TRPC5OS: variants seen among roughly 807,000 people sequenced by gnomAD.
TRPC5OS encodes putative uncharacterized protein TRPC5OS.
For missense variants in TRPC5OS, 64 were observed against 79.3 expected, an observed-to-expected ratio of 0.81 and a Z score of 0.73; for synonymous variants, 30 against 29.3, an observed-to-expected ratio of 1.02 and a Z score of -0.08.
At chrX:111,896,834 G>C (rs1463316162) in intron 3 of TRPC5OS, among the ~76,000 whole-genome samples, 1 of 111,489 alleles carries the variant, frequency 9.0e-6, no homozygotes, top group East Asian at 2.8e-4. Context: ...TGTGATCATG[G>C]GCAAATTACT....
At chrX:111,881,069 C>T (rs1924190120) in intron 1 of TRPC5OS, among the ~76,000 whole-genome samples, 1 of 112,062 alleles carries the variant, frequency 8.9e-6, no homozygotes, top group South Asian at 3.7e-4. Flanking sequence ...TGGGCAAAAC[C>T]TGTAGATTCA....
chrX:111,892,421 T>C (rs1015689950), intron 1 of TRPC5OS, among the ~76,000 whole-genome samples: 4 of 111,982 alleles, frequency 3.6e-5, no homozygotes, highest in Non-Finnish European at 7.5e-5. Context: ...AAAGAATCAT[T>C]GTCACAATAC....
chrX:111,886,867 T>C (rs1396347965), intron 1 of TRPC5OS, among the ~76,000 whole-genome samples: 1 of 112,876 alleles, frequency 8.9e-6, no homozygotes, highest in Admixed American at 9.4e-5. Flanking sequence ...CATCTTCCAC[T>C]ATGTTATCCT....
intron 1 of TRPC5OS, among the ~76,000 whole-genome samples, chrX:111,886,204 C>T (rs1393032604): frequency 8.9e-6 from 1 of 111,971 alleles, no homozygotes; most frequent in Non-Finnish European, 1.9e-5. Context: ...TGCTTGAACC[C>T]CGGAGGTGGA....
intron 1 of TRPC5OS, among the ~76,000 whole-genome samples, chrX:111,890,434 A>G (rs1924746728): frequency 8.9e-6 from 1 of 112,199 alleles, no homozygotes; most frequent in Non-Finnish European, 1.9e-5. Flanking sequence ...CTGGATACCC[A>G]GGCTTTAAGG....
intron 1 of TRPC5OS, among the ~76,000 whole-genome samples, chrX:111,887,040 A>G (rs994136545): frequency 3.6e-5 from 4 of 112,541 alleles, no homozygotes; most frequent in East Asian, 2.8e-4. Context: ...CACTCTTTGC[A>G]TGTGCCAGTG....
At chrX:111,884,738 G>A (rs1483224462) in intron 1 of TRPC5OS, among the ~76,000 whole-genome samples, 2 of 112,961 alleles carry the variant, frequency 1.8e-5, no homozygotes, top group African/African-American at 3.2e-5. Context: ...ATTAGTTAAG[G>A]CTTAATTAGT....
chrX:111,899,224 C>T (rs1383116002), intron 3 of TRPC5OS, among the ~76,000 whole-genome samples: 1 of 110,518 alleles, frequency 9.0e-6, no homozygotes, highest in Non-Finnish European at 1.9e-5. Flanking sequence ...GTGACTGAGT[C>T]CCCCGCCCCA....
Position 111,903,388 on chromosome X carries a change from G to A in TRPC5OS, c.*1203G>A, listed in dbSNP as rs1292884751. 1 of 112,227 alleles carries A rather than the reference G, an allele frequency of 8.9e-6. No homozygotes were observed. The highest frequency in any genetic ancestry group is 2.8e-4 in the East Asian group (1 of 3,580). The allele number at this position is 112,227 out of a possible 1,213,427, so 9.2% of individuals were successfully genotyped here. On this transcript the variant is annotated 3_prime_UTR_variant, in exon 4 of 4. Coordinates refer to ENST00000635763, the MANE Select transcript of TRPC5OS (RefSeq NM_001195578.2). Reference sequence around the variant, plus strand: ...ATAAATTGTCAACAGTTATGCGACGGTTTATGATGGAAAGCCATGATATGG... The same window carrying A: ...ATAAATTGTCAACAGTTATGCGACGATTTATGATGGAAAGCCATGATATGG...
intron 1 of TRPC5OS, among the ~76,000 whole-genome samples, chrX:111,885,279 G>C (rs1924426454): frequency 8.9e-6 from 1 of 112,440 alleles, no homozygotes; most frequent in African/African-American, 3.2e-5. Flanking sequence ...ATTTAACCCA[G>C]TTAGGTCTAG....
chrX:111,900,759 A>C (rs930361879), intron 3 of TRPC5OS, among the ~76,000 whole-genome samples: 3 of 111,930 alleles, frequency 2.7e-5, no homozygotes, highest in Non-Finnish European at 5.6e-5. Context: ...CAAATAAACA[A>C]GTGAGTAAGA....
chrX:111,897,971 A>T (rs764942603), intron 3 of TRPC5OS, among the ~76,000 whole-genome samples: 1 of 110,740 alleles, frequency 9.0e-6, no homozygotes, highest in Admixed American at 9.6e-5. Flanking sequence ...CAAAAACATA[A>T]TATGATTTTA....
intron 1 of TRPC5OS, among the ~76,000 whole-genome samples, chrX:111,882,973 C>T (rs905293301): frequency 9.1e-6 from 1 of 110,026 alleles, no homozygotes; most frequent in African/African-American, 3.3e-5. Flanking sequence ...GTAATCCCAG[C>T]TACTCAGGAG....
At chrX:111,893,088 T>C (rs1397012460) in intron 1 of TRPC5OS, among the ~76,000 whole-genome samples, 6 of 109,021 alleles carry the variant, frequency 5.5e-5, no homozygotes, top group African/African-American at 1.3e-4. Flanking sequence ...GGTTTTTTTT[T>C]TTTTTTTCGG....
intron 1 of TRPC5OS, among the ~76,000 whole-genome samples, chrX:111,882,239 C>G (rs1487246459): frequency 9.1e-6 from 1 of 110,124 alleles, no homozygotes; most frequent in Non-Finnish European, 1.9e-5. Flanking sequence ...AAGAGTATCC[C>G]CCTGGTTTCT....
chrX:111,891,496 T>C (rs1924801388), intron 1 of TRPC5OS, among the ~76,000 whole-genome samples: 2 of 112,129 alleles, frequency 1.8e-5, no homozygotes, highest in African/African-American at 6.5e-5. Context: ...ATATCCTCAA[T>C]TGTAAAATAG....
At chrX:111,886,397 C>T (rs1354968828) in intron 1 of TRPC5OS, among the ~76,000 whole-genome samples, 2 of 112,857 alleles carry the variant, frequency 1.8e-5, no homozygotes, top group African/African-American at 6.4e-5. Flanking sequence ...GTGATGTTTG[C>T]ATCCATGTAT....
rs1490002247 is a variant in TRPC5OS at position 111,903,486 on chromosome X, T to A, written c.*1301T>A. ...TGCAAATTAGCCAACCCTAAGATGTTGCTATAAACAGCTGGTAGGCGATTG... is the reference window on the plus strand; with the variant it reads ...TGCAAATTAGCCAACCCTAAGATGTAGCTATAAACAGCTGGTAGGCGATTG... On this transcript the variant is annotated 3_prime_UTR_variant, in exon 4 of 4. Transcript: ENST00000635763. 2.7e-5 allele frequency: 3 copies of A among 112,159 alleles called. No individual in the cohort carries two copies. Among genetic ancestry groups the A allele is most frequent in the Non-Finnish European group, 5.6e-5 (3 of 53,193 alleles). The allele number at this position is 112,159 out of a possible 1,213,427, so 9.2% of individuals were successfully genotyped here.
chrX:111,892,512 G>A (rs1924854914), intron 1 of TRPC5OS, among the ~76,000 whole-genome samples: 1 of 111,964 alleles, frequency 8.9e-6, no homozygotes, highest in South Asian at 3.8e-4. Context: ...GTTAGCTTTC[G>A]CCAGGCCAGG....
Sources: allele counts gnomAD v4.1 joint callset (sites outside exome capture counted in the v4.1 genomes callset), GRCh38; gene constraint gnomAD v4.1.1; transcripts MANE v1.5; gene names NCBI Gene and HGNC (gene_info 2026-07-23, HGNC 2026-07-21).